F13A1: variants seen among roughly 807,000 people sequenced by gnomAD.
F13A1 encodes the protein FSF, A subunit.
A neutral mutation model predicts 80.1 loss-of-function variants in F13A1; 47 were observed. The ratio of observed to expected loss-of-function variants is 0.59; its 90% CI spans 0.46 to 0.75. The LOEUF (loss-of-function observed/expected upper bound fraction) is 0.75. Ranked by LOEUF, F13A1 falls within the 30% of genes least tolerant of loss-of-function variation. The pLI is 0.00. For missense variants in F13A1, 817 were observed against 930.4 expected (o/e 0.88, Z 1.59); for synonymous variants, 349 against 344.9 (o/e 1.01, Z -0.13).
In F13A1 at chr6:6,162,355, G is replaced by C. The variant is rs1760590712; in HGVS notation, c.1908+5103C>G. 6.6e-6 allele frequency among the ~76,000 whole-genome samples: 1 copy of C among 152,106 alleles called. No individual in the cohort carries two copies. The highest frequency in any genetic ancestry group is 2.4e-5 in the African/African-American group (1 of 41,400). On this transcript the variant is annotated intron_variant, in intron 13 of 14. Coordinates refer to ENST00000264870, the MANE Select transcript of F13A1 (RefSeq NM_000129.4). This position sits in a 1 kb window ranked among gnomAD's most constrained non-coding sequence, Gnocchi z 4.2. ...TAACATTTTCTTCCTAGTATCTGAA[G>C]GGGTCTCTCCATCCATCTCTACTGG... is the stretch of plus-strand genomic sequence containing the variant.
chr6:6,290,360 C>T (rs769178741), intron 3 of F13A1, among the ~76,000 whole-genome samples: 2 of 152,132 alleles, frequency 1.3e-5, no homozygotes, highest in Non-Finnish European at 2.9e-5. Flanking sequence ...CCACCTGCCT[C>T]AGTGTTGTAT....
rs140710471 is a variant in F13A1, at chr6:6,226,189, G to A, written c.799-1329C>T. On this transcript the variant is annotated intron_variant, in intron 6 of 14. Transcript: ENST00000264870. ...TAATTACAGTCAGAAGAGTTTAGGT[G>A]GGGAGTCCAGGAGCTTTTCCAAAAA... 2.0e-3 allele frequency among the ~76,000 whole-genome samples: 305 copies of A among 152,260 alleles called. 3 individuals carry two copies. Among genetic ancestry groups the A allele is most frequent in the African/African-American group, 7.1e-3 (296 of 41,554 alleles).
At chr6:6,312,020 G>A (rs1345674481) in intron 2 of F13A1, among the ~76,000 whole-genome samples, 1 of 146,736 alleles carries the variant, frequency 6.8e-6, no homozygotes, top group Non-Finnish European at 1.5e-5. Context: ...TTATATATAA[G>A]CAAACTTTTT....
chr6:6,304,717 G>T (rs1315403918), intron 3 of F13A1, among the ~76,000 whole-genome samples: 2 of 151,996 alleles, frequency 1.3e-5, no homozygotes, highest in African/African-American at 4.8e-5. Flanking sequence ...CATAAAATTA[G>T]CTGGGCGTAA....
intron 6 of F13A1, among the ~76,000 whole-genome samples, chr6:6,232,718 A>G (rs901187817): frequency 2.0e-5 from 3 of 152,204 alleles, no homozygotes; most frequent in African/African-American, 7.2e-5. Flanking sequence ...AATGTGCTTC[A>G]ATAAATGTAA....
chr6:6,314,468 T>C (rs888833367), intron 2 of F13A1, among the ~76,000 whole-genome samples: 1 of 152,208 alleles, frequency 6.6e-6, no homozygotes, highest in African/African-American at 2.4e-5. Context: ...TGCAATATAC[T>C]GTTCCCTCTA....
chr6:6,276,931 C>T (rs1757996299), intron 3 of F13A1, among the ~76,000 whole-genome samples: 1 of 152,012 alleles, frequency 6.6e-6, no homozygotes, highest in Non-Finnish European at 1.5e-5. Context: ...AATCTTATCC[C>T]CACCCCACTC....
intron 13 of F13A1, among the ~76,000 whole-genome samples, chr6:6,154,677 A>G (rs1256100774): frequency 6.6e-6 from 1 of 152,226 alleles, no homozygotes; most frequent in Non-Finnish European, 1.5e-5. Context: ...GCCTCAATCA[A>G]TTTAGATATT....
At chr6:6,301,160 C>T (rs1758424689) in intron 3 of F13A1, among the ~76,000 whole-genome samples, 1 of 152,118 alleles carries the variant, frequency 6.6e-6, no homozygotes, top group South Asian at 2.1e-4. Context: ...TTGAAACAGG[C>T]ACTGAATTTT....
intron 3 of F13A1, among the ~76,000 whole-genome samples, chr6:6,269,959 G>A (rs750478572): frequency 3.3e-5 from 5 of 152,074 alleles, no homozygotes; most frequent in Non-Finnish European, 7.4e-5. Context: ...TGATCTGCCC[G>A]CCTAGGCCTC....
At chr6:6,320,371 A>T (rs935574668) in intron 1 of F13A1, among the ~76,000 whole-genome samples, 11 of 152,274 alleles carry the variant, frequency 7.2e-5, no homozygotes, top group African/African-American at 2.2e-4. Flanking sequence ...CGGCTTCGGG[A>T]GAGCTGCCTC....
chr6:6,271,670 C>T (rs536783128), intron 3 of F13A1, among the ~76,000 whole-genome samples: 6 of 152,232 alleles, frequency 3.9e-5, no homozygotes, highest in Non-Finnish European at 8.8e-5. Context: ...ATTATAATTA[C>T]CAATTGCATT....
At chr6:6,245,190 T>G (rs1757538351) in intron 6 of F13A1, among the ~76,000 whole-genome samples, 1 of 152,208 alleles carries the variant, frequency 6.6e-6, no homozygotes, top group Non-Finnish European at 1.5e-5. Context: ...TCACATACAA[T>G]AAATATAAAT....
At position 6,145,665 on chromosome 6, in the gene F13A1, A is replaced by T; in HGVS notation, c.2153T>A (p.Val718Glu). The change falls in exon 15 of 15, where the codon GTG becomes GAG. Residue 718 changes from valine (V) to glutamate (E), a missense_variant. Transcript: ENST00000264870. ...ASMSSDSLRH[V>E]YGELDVQIQR... ...AATCTGCACGTCCAGCTCGCCATAC[A>T]CATGTCTCAGGGAGTCACTGCTCAT... The T allele has an allele frequency of 6.2e-7, 1 of 1,614,134 alleles. No homozygotes were observed. The highest frequency in any genetic ancestry group is 8.5e-7 in the Non-Finnish European group (1 of 1,180,020).
chr6:6,194,980 A>G (rs531322325), intron 10 of F13A1, among the ~76,000 whole-genome samples: 112 of 152,244 alleles, frequency 7.4e-4, no homozygotes, highest in Non-Finnish European at 1.3e-3. Context: ...AGAGCATCCA[A>G]TGGTAGGCAA....
intron 8 of F13A1, among the ~76,000 whole-genome samples, chr6:6,217,009 A>G (rs1230989821): frequency 1.4e-5 from 2 of 145,706 alleles, no homozygotes; most frequent in East Asian, 2.0e-4. Flanking sequence ...AATGGCAATC[A>G]TTAAAAAGTC....
At chr6:6,147,231 G>A (rs561450254) in intron 14 of F13A1, among the ~76,000 whole-genome samples, 3 of 152,260 alleles carry the variant, frequency 2.0e-5, no homozygotes, top group African/African-American at 7.2e-5. Context: ...GTGACCAAAT[G>A]TCTCAGAAAC....
At chr6:6,179,728 G>T (rs1163185173) in intron 11 of F13A1, among the ~76,000 whole-genome samples, 1 of 152,146 alleles carries the variant, frequency 6.6e-6, no homozygotes, top group Non-Finnish European at 1.5e-5. Context: ...ATGAGTCGTC[G>T]CTTACAACCA....
chr6:6,266,428 T>C lies in F13A1; in HGVS notation c.571+130A>G, dbSNP rs1757845015. The C allele has an allele frequency of 4.4e-6, 6 of 1,374,514 alleles. No homozygotes were observed. In the South Asian group the frequency reaches 7.1e-5, roughly 16 times the overall value. The allele number at this position is 1,374,514 out of a possible 1,614,324, so 85.1% of individuals were successfully genotyped here. Reference sequence around the variant, plus strand: ...TAATTTTTATTTTTTAGAGACTAGGTCTCAAACTCCTGGCCTCAAGCGATC... The same window carrying C: ...TAATTTTTATTTTTTAGAGACTAGGCCTCAAACTCCTGGCCTCAAGCGATC... On this transcript the variant is annotated intron_variant, in intron 4 of 14. Transcript: ENST00000264870.
Sources: gnomAD v4.1 joint callset for allele counts (sites outside exome capture counted in the v4.1 genomes callset) on GRCh38, gnomAD v4.1.1 for gene constraint, Gnocchi (gnomAD v3.1) non-coding constraint, MANE v1.5 for transcripts, NCBI Gene and HGNC (gene_info 2026-07-23, HGNC 2026-07-21) for gene names.